ETV1: variants seen among roughly 807,000 people sequenced by gnomAD.
ETV1 encodes ETS translocation variant 1.
In ETV1, 27 loss-of-function variants were observed where a neutral mutation model predicts 62.3. The observed-to-expected ratio is 0.43, with a 90% CI of 0.32 to 0.60. The LOEUF (loss-of-function observed/expected upper bound fraction) is 0.60, where lower values mean the gene tolerates loss of function less well. ETV1 is among the 20% of genes least tolerant of loss of function. The pLI is 0.06. For missense variants in ETV1, 605 were observed against 605.8 expected, an observed-to-expected ratio of 1.00 and a Z score of 0.01; for synonymous variants, 222 against 199.6, an observed-to-expected ratio of 1.11 and a Z score of -0.94.
At chr7:13,914,966 A>G (rs1426824656) in intron 9 of ETV1, among the ~76,000 whole-genome samples, 1 of 152,176 alleles carries the variant, frequency 6.6e-6, no homozygotes, top group Non-Finnish European at 1.5e-5. Flanking sequence ...GAATTATAAC[A>G]TATTATAACC....
chr7:13,910,192 C>T (rs1299620284), intron 10 of ETV1, among the ~76,000 whole-genome samples: 2 of 146,524 alleles, frequency 1.4e-5, no homozygotes, highest in Admixed American at 6.8e-5. Context: ...CCTTCCTGTA[C>T]TCAATTAGCA....
intron 6 of ETV1, among the ~76,000 whole-genome samples, chr7:13,955,912 C>A (rs907074406): frequency 2.6e-5 from 4 of 152,074 alleles, no homozygotes; most frequent in African/African-American, 9.7e-5. Flanking sequence ...TGAACCAAGC[C>A]AAATTACAGT....
chr7:13,973,082 A>C (rs1781066952), intron 6 of ETV1, among the ~76,000 whole-genome samples: 4 of 152,188 alleles, frequency 2.6e-5, no homozygotes. Flanking sequence ...GTTGTGATTT[A>C]ATCTCATTTT....
intron 5 of ETV1, among the ~76,000 whole-genome samples, chr7:13,983,077 G>T (rs1782162348): frequency 6.6e-6 from 1 of 151,700 alleles, no homozygotes; most frequent in Admixed American, 6.6e-5. Flanking sequence ...CTTTGCTGTA[G>T]AAAGGTTGTT....
At chr7:13,952,912 A>C (rs1788998069) in intron 6 of ETV1, among the ~76,000 whole-genome samples, 3 of 152,214 alleles carry the variant, frequency 2.0e-5, no homozygotes, top group African/African-American at 7.2e-5. Context: ...AGTGGTACTA[A>C]ATGATCCTCA....
chr7:13,949,855 G>T (rs1788594263), intron 6 of ETV1, among the ~76,000 whole-genome samples: 1 of 152,080 alleles, frequency 6.6e-6, no homozygotes, highest in Admixed American at 6.6e-5. Context: ...TCCGAGACAG[G>T]AATTTAGACC....
At chr7:13,914,619 A>G (rs898746785) in intron 9 of ETV1, among the ~76,000 whole-genome samples, 111 of 65,834 alleles carry the variant, frequency 1.7e-3, no homozygotes, top group Non-Finnish European at 2.5e-3. Context: ...ACAAGAAACT[A>G]AAAAAAAAAA....
At chr7:13,949,960 T>C (rs1788606689) in intron 6 of ETV1, among the ~76,000 whole-genome samples, 1 of 151,916 alleles carries the variant, frequency 6.6e-6, no homozygotes, top group Non-Finnish European at 1.5e-5. Flanking sequence ...TTTAAAGGAG[T>C]ATTGTCAGTC....
chr7:13,896,619 T>C (rs542856253), intron 13 of ETV1, among the ~76,000 whole-genome samples: 2 of 149,682 alleles, frequency 1.3e-5, no homozygotes, highest in South Asian at 4.2e-4. Flanking sequence ...AAATGGATTC[T>C]TTACTTTTTT....
intron 6 of ETV1, among the ~76,000 whole-genome samples, chr7:13,963,396 C>T (rs1489193872): frequency 6.6e-6 from 1 of 152,102 alleles, no homozygotes; most frequent in Non-Finnish European, 1.5e-5. Context: ...ATTCCCTTAA[C>T]TATTATAAAT....
chr7:13,961,826 G>T (rs2128483684), intron 6 of ETV1, among the ~76,000 whole-genome samples: 1 of 152,130 alleles, frequency 6.6e-6, no homozygotes, highest in East Asian at 1.9e-4. Flanking sequence ...AAGTAGATTT[G>T]AACAAACAAC....
At chr7:13,921,992 T>C (rs944948940) in intron 9 of ETV1, among the ~76,000 whole-genome samples, 2 of 152,210 alleles carry the variant, frequency 1.3e-5, no homozygotes, top group African/African-American at 2.4e-5. Context: ...ATATTTCATA[T>C]TTAAAATAAT....
intron 6 of ETV1, among the ~76,000 whole-genome samples, chr7:13,975,928 G>A (rs1315006165): frequency 2.0e-5 from 3 of 152,176 alleles, no homozygotes; most frequent in African/African-American, 4.8e-5. Context: ...CTCAGACGAC[G>A]TGTTTAGCTT....
chr7:13,918,621 A>G (rs894916030), intron 9 of ETV1, among the ~76,000 whole-genome samples: 7 of 152,034 alleles, frequency 4.6e-5, no homozygotes, highest in African/African-American at 1.7e-4. Flanking sequence ...TCAGTAAACA[A>G]GAACAAAAAA....
chr7:13,976,991 C>A (rs553858590), intron 6 of ETV1, among the ~76,000 whole-genome samples: 148 of 152,260 alleles, frequency 9.7e-4, no homozygotes, highest in Non-Finnish European at 1.7e-3. Context: ...AATGTTTGGT[C>A]CAGAATCTTT....
chr7:13,938,942 A>G (rs1191433872), intron 7 of ETV1, among the ~76,000 whole-genome samples, 175 bp downstream of exon 7: 2 of 152,226 alleles, frequency 1.3e-5, no homozygotes, highest in African/African-American at 4.8e-5. Context: ...ATGAATCCAA[A>G]GTGTGTGATT....
At position 13,977,223 on chromosome 7, in the gene ETV1, T is replaced by C. The variant is rs7780154; in HGVS notation, c.235+204A>G. 6.1e-3 allele frequency among the ~76,000 whole-genome samples: 931 copies of C among 152,342 alleles called. 8 individuals carry two copies. The highest frequency in any genetic ancestry group is 0.02 in the African/African-American group (813 of 41,584). ...TACTATTTGGAGTTCTCTTCCGATA[T>C]ACAGAATTCAAGCATTCTGCTCAAA... On this transcript the variant is annotated intron_variant, in intron 6 of 13. Coordinates refer to ENST00000430479, the MANE Select transcript of ETV1 (RefSeq NM_004956.5).
intron 6 of ETV1, among the ~76,000 whole-genome samples, chr7:13,950,776 A>C (rs1226304235): frequency 2.6e-5 from 4 of 152,028 alleles, no homozygotes; most frequent in African/African-American, 9.7e-5. Context: ...TGATGATCTA[A>C]CTCAGAGGTT....
In ETV1 at chr7:13,935,805, G is replaced by A; in HGVS notation, c.457C>T (p.Pro153Ser). ...TPVSPLHHAS[P>S]NSTHTPKPDR... Reference sequence around the variant, plus strand: ...GGTTTCGGTGTATGAGTTGAGTTTGGAGATGCATGATGCAGTGGGGACACT... The same window carrying A: ...GGTTTCGGTGTATGAGTTGAGTTTGAAGATGCATGATGCAGTGGGGACACT... The change falls in exon 8 of 14, where the codon CCA becomes TCA. Residue 153 changes from proline to serine, a missense_variant. Physicochemically the swap from Pro to Ser is moderately conservative, Grantham distance 74 (BLOSUM62 -1). Coordinates refer to ENST00000430479, the MANE Select transcript of ETV1 (RefSeq NM_004956.5). The A allele has an allele frequency of 6.2e-7, 1 of 1,613,970 alleles. No individual in the cohort carries two copies. Among genetic ancestry groups the A allele is most frequent in the Non-Finnish European group, 8.5e-7 (1 of 1,179,864 alleles).
Sources: gnomAD v4.1 joint callset for allele counts (sites outside exome capture counted in the v4.1 genomes callset) on GRCh38, gnomAD v4.1.1 for gene constraint, MANE v1.5 for transcripts, NCBI Gene and HGNC (gene_info 2026-07-23, HGNC 2026-07-21) for gene names.